The following CD101 variants were observed in gnomAD, a reference collection of about 807,000 sequenced individuals.
CD101 encodes immunoglobulin superfamily member 2.
In CD101, 76 loss-of-function variants were observed where a neutral mutation model predicts 98.2. The observed-to-expected ratio is 0.77, with a 90% confidence interval of 0.64 to 0.94. The LOEUF (loss-of-function observed/expected upper bound fraction) is 0.94. Ranked by LOEUF, CD101 falls within the 40% of genes least tolerant of loss-of-function variation. The probability of loss-of-function intolerance (pLI) is 0.00; values close to 1 mark genes in which losing one functional copy is unlikely to be tolerated. For synonymous variants in CD101, 471 were observed against 472.7 expected, an observed-to-expected ratio of 1.00 and a Z score of 0.05; for missense variants, 1,145 against 1,218.8, an observed-to-expected ratio of 0.94 and a Z score of 0.90.
chr1:117,024,391 C>T (rs1422975017), intron 7 of CD101, among the ~76,000 whole-genome samples: 2 of 152,266 alleles, frequency 1.3e-5, no homozygotes, highest in East Asian at 1.9e-4. Context: ...GCAGGATAAT[C>T]GCTTGAACCC....
intron 8 of CD101, among the ~76,000 whole-genome samples, chr1:117,029,187 G>GAA (rs1249080145): frequency 8.6e-5 from 8 of 92,844 alleles, no homozygotes; most frequent in Non-Finnish European, 1.5e-4. Context: ...AAGAAAGAAA[G>GAA]AAAGAAAGAA....
At position 117,021,743 on chromosome 1, in the gene CD101, A is replaced by G; in HGVS notation, c.2188A>G (p.Met730Val). The change falls in exon 7 of 10, where the codon ATG becomes GTG. Residue 730 changes from methionine to valine, a missense_variant. Coordinates refer to ENST00000682167, the MANE Select transcript of CD101 (RefSeq NM_001256106.3). The surrounding 1 kb of genome is among the most constrained non-coding windows in gnomAD (Gnocchi z 4.7). ...TGCCTCTTGGCTAAAGATCCTGGAGATGGACCAAACCAATGTTATAAAAAC... is the reference window on the plus strand; with the variant it reads ...TGCCTCTTGGCTAAAGATCCTGGAGGTGGACCAAACCAATGTTATAAAAAC... ...TNASWLKILE[M>V]DQTNVIKTGD... 4.3e-6 allele frequency: 7 copies of G among 1,614,116 alleles called. No homozygotes were observed. The highest frequency in any genetic ancestry group is 1.7e-6 in the Non-Finnish European group (2 of 1,180,004).
rs1369636476 is a variant in CD101 at position 117,018,039 on chromosome 1, A to G, written c.1613-117A>G. Reference sequence around the variant, plus strand: ...CAATTTCTACTCTATAAAATAGGAAACTCCAAATGTACAAATGCATGGTCC... The same window carrying G: ...CAATTTCTACTCTATAAAATAGGAAGCTCCAAATGTACAAATGCATGGTCC... On this transcript the variant is annotated intron_variant, in intron 5 of 9. Coordinates refer to ENST00000682167, the MANE Select transcript of CD101 (RefSeq NM_001256106.3). This position sits in a 1 kb window ranked among gnomAD's most constrained non-coding sequence, Gnocchi z 4.3. The G allele has an allele frequency of 1.1e-6, 1 of 946,348 alleles. No individual in the cohort carries two copies. The highest frequency in any genetic ancestry group is 1.5e-6 in the Non-Finnish European group (1 of 652,066). The allele number at this position is 946,348 out of a possible 1,614,324, so 58.6% of individuals were successfully genotyped here.
At position 117,011,655 on chromosome 1, in the gene CD101, A is replaced by G. The variant is rs1434545609; in HGVS notation, c.530A>G (p.His177Arg). The G allele has an allele frequency of 1.2e-6, 2 of 1,613,998 alleles. No homozygotes were observed. Among genetic ancestry groups the G allele is most frequent in the Non-Finnish European group, 1.7e-6 (2 of 1,180,012 alleles). The change falls in exon 3 of 10, where the codon CAT (histidine) becomes CGT (arginine). Residue 177 changes from histidine (H) to arginine (R), a missense_variant. Transcript: ENST00000682167. Reference protein sequence around the residue: ...TCEASKATAQHTHLSVTWYLT... With the variant: ...TCEASKATAQRTHLSVTWYLT... ...GAGGCATCCAAAGCCACAGCCCAAC[A>G]TACTCACCTCTCTGTCACCTGGTAC...
rs895842648 is a variant in CD101, at chr1:117,005,022, T to C, written c.43+3162T>C. Among the ~76,000 whole-genome samples the C allele has an allele frequency of 2.0e-5, 3 of 152,048 alleles. No individual in the cohort carries two copies. Among genetic ancestry groups the C allele is most frequent in the Admixed American group, 1.3e-4 (2 of 15,270 alleles). On this transcript the variant is annotated intron_variant, in intron 1 of 9. Transcript: ENST00000682167. The surrounding 1 kb of genome is among the most constrained non-coding windows in gnomAD (Gnocchi z 4.4). The stretch of plus-strand genomic sequence containing the variant: ...CACGTGGCAGAAGGGGCTAGCGAGC[T>C]TCCTGGACTCTTTTACAAGGGCATT...
intron 4 of CD101, among the ~76,000 whole-genome samples, chr1:117,015,916 T>C (rs1194615018): frequency 6.6e-6 from 1 of 152,126 alleles, no homozygotes; most frequent in Non-Finnish European, 1.5e-5. Context: ...CTTAAATTAG[T>C]GTTGGGCTGC....
chr1:117,015,558 A>G (rs910301681), intron 4 of CD101, among the ~76,000 whole-genome samples: 15 of 152,250 alleles, frequency 9.9e-5, no homozygotes, highest in Admixed American at 5.2e-4. Flanking sequence ...GTATGCATAA[A>G]ACAGTCAAAG....
At chr1:117,024,441 C>T (rs1317770189) in intron 7 of CD101, among the ~76,000 whole-genome samples, 3 of 152,124 alleles carry the variant, frequency 2.0e-5, no homozygotes, top group Non-Finnish European at 2.9e-5. Flanking sequence ...TGTGCCACTG[C>T]ACTCTAGCCT....
Position 117,036,495 on chromosome 1 carries a change from C to A in CD101, c.*361C>A, listed in dbSNP as rs901735019. 2.6e-5 allele frequency: 4 copies of A among 151,324 alleles called. No homozygotes were observed. The East Asian group carries it at 7.7e-4, about 29-fold the overall frequency. 9.4% of individuals were successfully genotyped at this position (151,324 alleles called of 1,614,324 possible). ...ACACCGCTTTGGAGAGTATTCCCAG[C>A]GCTCTCCTTGCTTGTGACAAGTAAA... On this transcript the variant is annotated 3_prime_UTR_variant, in exon 10 of 10. Coordinates refer to ENST00000682167, the MANE Select transcript of CD101 (RefSeq NM_001256106.3). This position sits in a 1 kb window ranked among gnomAD's most constrained non-coding sequence, Gnocchi z 5.0.
rs753859485 is a variant in CD101 at position 117,021,944 on chromosome 1, A to G, written c.2389A>G (p.Lys797Glu). ...TNGTWHKLGEKKSGLTELKLK... is the reference protein window; with the variant it reads ...TNGTWHKLGEEKSGLTELKLK... The stretch of plus-strand genomic sequence containing the variant: ...TGGCACTTGGCACAAGCTTGGAGAA[A>G]AGAAGTCAGGACTAACAGAATTGAA... Residue 797 changes from lysine (K) to glutamate (E), a missense_variant, in exon 7 of 10, where the codon AAG (lysine) becomes GAG (glutamate). Transcript: ENST00000682167. The surrounding 1 kb of genome is among the most constrained non-coding windows in gnomAD (Gnocchi z 4.7). The G allele has an allele frequency of 7.4e-6, 12 of 1,612,980 alleles. No homozygotes were observed. Among genetic ancestry groups the G allele is most frequent in the Non-Finnish European group, 1.0e-5 (12 of 1,179,676 alleles).
Position 117,011,741 on chromosome 1 carries a change from A to G in CD101, c.616A>G (p.Ile206Val). Residue 206 changes from isoleucine to valine, a missense_variant, in exon 3 of 10, where the codon ATA (isoleucine) becomes GTA (valine). Transcript: ENST00000682167. ...TEIISLSKDF[I>V]LVPGPLYTER... Reference sequence around the variant, plus strand: ...GATTATTTCTCTCTCCAAAGATTTTATATTGGTCCCTGGGCCCTTGTATAC... The same window carrying G: ...GATTATTTCTCTCTCCAAAGATTTTGTATTGGTCCCTGGGCCCTTGTATAC... The G allele has an allele frequency of 6.2e-7, 1 of 1,614,128 alleles. No homozygotes were observed. The highest frequency in any genetic ancestry group is 8.5e-7 in the Non-Finnish European group (1 of 1,180,012).
At position 117,017,474 on chromosome 1, in the gene CD101, G is replaced by A. The variant is rs1343876111; in HGVS notation, c.1612+1G>A. ...ATTTCAGTTACTGTAAAGTCTCTGGGTAAGTGTCAAAGGAAGTCCTTTTCT... is the reference window on the plus strand; with the variant it reads ...ATTTCAGTTACTGTAAAGTCTCTGGATAAGTGTCAAAGGAAGTCCTTTTCT... On this transcript the variant is annotated splice_donor_variant, in intron 5 of 9. Coordinates refer to ENST00000682167, the MANE Select transcript of CD101 (RefSeq NM_001256106.3). LOFTEE classifies it high-confidence loss of function. The A allele has an allele frequency of 1.2e-6, 2 of 1,604,160 alleles. No individual in the cohort carries two copies. The highest frequency in any genetic ancestry group is 1.7e-6 in the Non-Finnish European group (2 of 1,173,586).
chr1:117,017,381 G>A lies in CD101; in HGVS notation c.1520G>A (p.Gly507Asp), dbSNP rs138533743. 3.7e-6 allele frequency: 6 copies of A among 1,614,084 alleles called. No individual in the cohort carries two copies. In the African/African-American group the frequency reaches 6.7e-5, roughly 18 times the overall value. Reference sequence around the variant, plus strand: ...ACCTTCACTGCCATCACAGACAGTGGCACATATGAGTGCAGAGTATCTGAG... The same window carrying A: ...ACCTTCACTGCCATCACAGACAGTGACACATATGAGTGCAGAGTATCTGAG... ...EITFTAITDS[G>D]TYECRVSEKS... The change falls in exon 5 of 10, where the codon GGC becomes GAC. Residue 507 changes from glycine to aspartate, a missense_variant. Physicochemically the swap from Gly to Asp is moderately conservative, Grantham distance 94. Transcript: ENST00000682167.
In CD101 at chr1:117,021,769, T is replaced by A. The variant is rs748489008; in HGVS notation, c.2214T>A (p.Thr738=). The part of the protein sequence containing the change: ...LEMDQTNVIK[T]GDEFHTPQRK... The stretch of plus-strand genomic sequence containing the variant: ...TGGACCAAACCAATGTTATAAAAAC[T>A]GGGGATGAGTTTCACACCCCACAGA... The change falls in exon 7 of 10, where the codon ACT becomes ACA. Residue 738 remains threonine, a synonymous_variant. Coordinates refer to ENST00000682167, the MANE Select transcript of CD101 (RefSeq NM_001256106.3). The surrounding 1 kb of genome is among the most constrained non-coding windows in gnomAD (Gnocchi z 4.7). 8.1e-6 allele frequency: 13 copies of A among 1,614,052 alleles called. No individual in the cohort carries two copies. In the East Asian group the frequency reaches 2.9e-4, roughly 36 times the overall value.
At position 117,005,399 on chromosome 1, in the gene CD101, T is replaced by C. The variant is rs1177712157; in HGVS notation, c.43+3539T>C. Among the ~76,000 whole-genome samples the C allele has an allele frequency of 1.3e-5, 2 of 152,198 alleles. No individual in the cohort carries two copies. Among genetic ancestry groups the C allele is most frequent in the African/African-American group, 4.8e-5 (2 of 41,444 alleles). On this transcript the variant is annotated intron_variant, in intron 1 of 9. Transcript: ENST00000682167. This position sits in a 1 kb window ranked among gnomAD's most constrained non-coding sequence, Gnocchi z 4.4. Reference sequence around the variant, plus strand: ...CCTGAAAACTGCTGCTTCCACTCTATTGAAATCCCTTTTACAAAGATCTTC... The same window carrying C: ...CCTGAAAACTGCTGCTTCCACTCTACTGAAATCCCTTTTACAAAGATCTTC...
chr1:117,010,131 T>C lies in CD101; in HGVS notation c.325T>C (p.Ser109Pro), dbSNP rs1200778486. 5 of 1,614,064 alleles carry C rather than the reference T, an allele frequency of 3.1e-6. No homozygotes were observed. Among genetic ancestry groups the C allele is most frequent in the Non-Finnish European group, 4.2e-6 (5 of 1,180,038 alleles). ...GGGCAACTCAGTCTTGTTGCACATC[T>C]CAAAACTCCAGATGAAGGATGCTGG... ...VQGNSVLLHISKLQMKDAGEY... is the reference protein window; with the variant it reads ...VQGNSVLLHIPKLQMKDAGEY... The change falls in exon 2 of 10, where the codon TCA (serine) becomes CCA (proline). Residue 109 changes from serine (S) to proline (P), a missense_variant. Transcript: ENST00000682167. The surrounding 1 kb of genome is among the most constrained non-coding windows in gnomAD (Gnocchi z 5.2).
chr1:117,026,051 T>G, intron 8 of CD101, 147 bp downstream of exon 8: 1 of 800,154 alleles, frequency 1.2e-6, no homozygotes, highest in Non-Finnish European at 1.9e-6. Flanking sequence ...GAAGATGACT[T>G]TGCTGTCTCT....
chr1:117,002,798 T>A (rs1254879028), intron 1 of CD101, among the ~76,000 whole-genome samples: 2 of 152,360 alleles, frequency 1.3e-5, no homozygotes, highest in African/African-American at 4.8e-5. Flanking sequence ...ATGATGAGTA[T>A]AAATAACATT....
intron 9 of CD101, 95 bp downstream of exon 9, chr1:117,034,229 A>G: frequency 8.7e-7 from 1 of 1,153,370 alleles, no homozygotes; most frequent in Non-Finnish European, 1.2e-6. Context: ...CCTAGGAATC[A>G]GAGGGAGCAT....
Sources: allele counts gnomAD v4.1 joint callset (sites outside exome capture counted in the v4.1 genomes callset), GRCh38; gene constraint gnomAD v4.1.1; non-coding constraint Gnocchi (gnomAD v3.1); transcripts MANE v1.5; gene names NCBI Gene and HGNC (gene_info 2026-07-23, HGNC 2026-07-21).